The following SATB2 variants were observed in gnomAD, a reference collection of about 807,000 sequenced individuals.
SATB2 encodes DNA-binding protein SATB2.
In SATB2, 1 loss-of-function variant was observed where a neutral mutation model predicts 73.4. The ratio of observed to expected loss-of-function variants is 0.01; its 90% CI spans 0.00 to 0.06. The LOEUF (loss-of-function observed/expected upper bound fraction) is 0.06, where lower values mean the gene tolerates loss of function less well. Ranked by LOEUF, SATB2 falls within the 10% of genes least tolerant of loss-of-function variation. The pLI, the probability that SATB2 is intolerant of heterozygous loss-of-function variation, is 1.00. For synonymous variants in SATB2, 397 were observed against 367.0 expected, an observed-to-expected ratio of 1.08 and a Z score of -0.93; for missense variants, 459 against 945.8, an observed-to-expected ratio of 0.49 and a Z score of 6.75.
At chr2:199,361,239 T>A (rs1689128431) in intron 6 of SATB2, among the ~76,000 whole-genome samples, 1 of 152,102 alleles carries the variant, frequency 6.6e-6, no homozygotes, top group African/African-American at 2.4e-5. Context: ...TCCATTGGTA[T>A]TGTCTTATTT....
At chr2:199,384,099 T>A (rs2105870965) in intron 3 of SATB2, among the ~76,000 whole-genome samples, 1 of 152,296 alleles carries the variant, frequency 6.6e-6, no homozygotes, top group South Asian at 2.1e-4. Context: ...AGACAACTCA[T>A]TCTACTGGAA....
intron 5 of SATB2, among the ~76,000 whole-genome samples, chr2:199,379,068 C>T (rs963640936): frequency 2.0e-5 from 3 of 152,170 alleles, no homozygotes; most frequent in Admixed American, 6.5e-5. Flanking sequence ...GCAGCTCACA[C>T]CAGGAAACAG....
intron 5 of SATB2, among the ~76,000 whole-genome samples, chr2:199,373,693 T>C (rs886694236): frequency 6.6e-6 from 1 of 152,196 alleles, no homozygotes; most frequent in South Asian, 2.1e-4. Flanking sequence ...ATGGCATCTT[T>C]CTCCCCACTG....
At chr2:199,423,386 G>A (rs373702717) in intron 3 of SATB2, among the ~76,000 whole-genome samples, 71 of 152,120 alleles carry the variant, frequency 4.7e-4, no homozygotes, top group African/African-American at 1.5e-3. Flanking sequence ...GCCTCCAGGT[G>A]TGCTCTTTTA....
intron 3 of SATB2, among the ~76,000 whole-genome samples, chr2:199,415,945 C>T (rs1015861013): frequency 6.6e-6 from 1 of 152,198 alleles, no homozygotes; most frequent in Non-Finnish European, 1.5e-5. Flanking sequence ...TGTGTGCCAA[C>T]TTGTAGCATC....
upstream of SATB2, among the ~76,000 whole-genome samples, chr2:199,466,635 C>T (rs550914730): frequency 1.3e-5 from 2 of 152,334 alleles, no homozygotes; most frequent in African/African-American, 2.4e-5. Flanking sequence ...AACCTGTGGT[C>T]TCTCCGGCTC....
chr2:199,437,949 CA>C (rs1691700221), intron 2 of SATB2, among the ~76,000 whole-genome samples: 1 of 151,870 alleles, frequency 6.6e-6, no homozygotes, highest in South Asian at 2.1e-4. Flanking sequence ...TGCCCCATGG[CA>C]AAAAAGGTGA....
chr2:199,337,451 T>TA (rs1188570541), intron 7 of SATB2, among the ~76,000 whole-genome samples: 1 of 152,212 alleles, frequency 6.6e-6, no homozygotes, highest in Admixed American at 6.5e-5. Flanking sequence ...GAATTGGAAT[T>TA]AAAAAACCTT....
chr2:199,298,488 T>G (rs1234487339), intron 10 of SATB2, among the ~76,000 whole-genome samples: 2 of 152,208 alleles, frequency 1.3e-5, no homozygotes, highest in East Asian at 1.9e-4. Flanking sequence ...ATATTTCCAT[T>G]TGGACGTTTT....
chr2:199,324,248 A>G (rs935019916), intron 8 of SATB2, among the ~76,000 whole-genome samples: 2 of 152,126 alleles, frequency 1.3e-5, no homozygotes, highest in South Asian at 4.1e-4. Flanking sequence ...CCATCTAACT[A>G]CAAAACAAAC....
rs114764623 is a variant in SATB2, at chr2:199,373,641, T to C, written c.598-4934A>G. Among the ~76,000 whole-genome samples, 376 of 152,272 alleles carry C rather than the reference T, an allele frequency of 2.5e-3. 1 individual carries two copies. The highest frequency in any genetic ancestry group is 8.8e-3 in the African/African-American group (365 of 41,546). ...AGAGTGTAAGGATTCTTCTGTGAGA[T>C]GATTTGTGTAAAAGGCCTAGCACAA... On this transcript the variant is annotated intron_variant, in intron 5 of 10. Transcript: ENST00000417098.
chr2:199,443,575 A>T (rs1008972759), intron 2 of SATB2, among the ~76,000 whole-genome samples: 2 of 151,998 alleles, frequency 1.3e-5, no homozygotes, highest in Non-Finnish European at 2.9e-5. Flanking sequence ...CCCTCACAAA[A>T]AGAAAATCCT....
chr2:199,328,045 C>A (rs1462547947), intron 8 of SATB2, among the ~76,000 whole-genome samples: 1 of 152,150 alleles, frequency 6.6e-6, no homozygotes, highest in African/African-American at 2.4e-5. Flanking sequence ...GCAAACTCAG[C>A]TTCAACACAA....
At chr2:199,396,322 ATAAT>A (rs1189859512) in intron 3 of SATB2, 1 of 152,214 alleles carries the variant, frequency 6.6e-6, no homozygotes, top group Non-Finnish European at 1.5e-5. Flanking sequence ...TTTTTGGAAG[ATAAT>A]TAATGCTTCA....
chr2:199,316,869 T>C (rs1687749815), intron 9 of SATB2, among the ~76,000 whole-genome samples: 1 of 152,102 alleles, frequency 6.6e-6, no homozygotes, highest in South Asian at 2.1e-4. Flanking sequence ...TCTAGAATCC[T>C]GGACTTCTTC....
chr2:199,289,081 A>C (rs1465165639), intron 10 of SATB2, among the ~76,000 whole-genome samples: 1 of 152,174 alleles, frequency 6.6e-6, no homozygotes, highest in African/African-American at 2.4e-5. Context: ...GTGAGGTAGA[A>C]ACTTCCCAAA....
intron 6 of SATB2, among the ~76,000 whole-genome samples, chr2:199,367,000 T>G (rs916596009): frequency 6.6e-6 from 1 of 152,106 alleles, no homozygotes; most frequent in South Asian, 2.1e-4. Flanking sequence ...AATCTGGAAT[T>G]ACACTCCAGC....
chr2:199,314,558 A>G (rs766263698), intron 9 of SATB2, among the ~76,000 whole-genome samples: 3 of 152,140 alleles, frequency 2.0e-5, no homozygotes, highest in Non-Finnish European at 2.9e-5. Context: ...GGGCTAGTAC[A>G]TTACATATAT....
chr2:199,360,269 T>C (rs550182792), intron 6 of SATB2, among the ~76,000 whole-genome samples: 1 of 152,348 alleles, frequency 6.6e-6, no homozygotes, highest in South Asian at 2.1e-4. Flanking sequence ...TTCACACTTC[T>C]GTAGATTCTT....
Sources: gnomAD v4.1 joint callset for allele counts (sites outside exome capture counted in the v4.1 genomes callset) on GRCh38, gnomAD v4.1.1 for gene constraint, MANE v1.5 for transcripts, NCBI Gene and HGNC (gene_info 2026-07-23, HGNC 2026-07-21) for gene names.